The following ADAMTS18 variants were observed in gnomAD, a reference collection of about 807,000 sequenced individuals.
ADAMTS18 encodes A disintegrin and metalloproteinase with thrombospondin motifs 18.
A neutral mutation model predicts 165.9 loss-of-function variants in ADAMTS18; 157 were observed. The observed-to-expected ratio is 0.95, with a 90% confidence interval of 0.83 to 1.08. The LOEUF (loss-of-function observed/expected upper bound fraction) is 1.08, where lower values mean the gene tolerates loss of function less well. Among genes scored for constraint, ADAMTS18 ranks in the 50% least tolerant of loss-of-function variants. The pLI is 0.00. For missense variants in ADAMTS18, 2,040 were observed against 1,534.0 expected, an observed-to-expected ratio of 1.33 and a Z score of -5.51; for synonymous variants, 782 against 578.2, an observed-to-expected ratio of 1.35 and a Z score of -5.06.
intron 22 of ADAMTS18, among the ~76,000 whole-genome samples, chr16:77,287,663 G>T (rs2055279531): frequency 1.3e-5 from 2 of 152,046 alleles, no homozygotes; most frequent in African/African-American, 4.8e-5. Context: ...GTAGAGACGG[G>T]GTTTCACCAT....
intron 3 of ADAMTS18, among the ~76,000 whole-genome samples, chr16:77,430,388 G>A (rs1336301947): frequency 6.6e-6 from 1 of 152,122 alleles, no homozygotes; most frequent in Non-Finnish European, 1.5e-5. Flanking sequence ...AAGAACATGG[G>A]AGTCCGCATT....
At chr16:77,314,753 CAT>C (rs36191323) in intron 16 of ADAMTS18, among the ~76,000 whole-genome samples, 1,645 of 36,878 alleles carry the variant, frequency 0.045, 253 homozygotes, top group African/African-American at 0.14. Context: ...TCTCAGGTTT[CAT>C]ATATATATAT....
At chr16:77,400,458 GT>G in intron 3 of ADAMTS18, among the ~76,000 whole-genome samples, 1 of 46,474 alleles carries the variant, frequency 2.2e-5, no homozygotes. Flanking sequence ...GTGTGTGTCT[GT>G]GTGTGTGTGT....
At chr16:77,286,032 TG>T (rs1416672104) in intron 22 of ADAMTS18, among the ~76,000 whole-genome samples, 2 of 152,206 alleles carry the variant, frequency 1.3e-5, no homozygotes, top group Non-Finnish European at 2.9e-5. Context: ...GCGTTAAATC[TG>T]AAATCCTTAC....
intron 3 of ADAMTS18, among the ~76,000 whole-genome samples, chr16:77,401,772 G>T (rs764345888): frequency 1.3e-5 from 2 of 152,180 alleles, no homozygotes; most frequent in East Asian, 3.9e-4. Context: ...GGTCTAGACA[G>T]AACGAAAATG....
intron 3 of ADAMTS18, among the ~76,000 whole-genome samples, chr16:77,377,896 T>C (rs1160469009): frequency 6.6e-6 from 1 of 152,086 alleles, no homozygotes; most frequent in South Asian, 2.1e-4. Flanking sequence ...ATAATCAATA[T>C]GAAATAGAAA....
At chr16:77,381,684 C>T (rs1162168441) in intron 3 of ADAMTS18, among the ~76,000 whole-genome samples, 2 of 152,138 alleles carry the variant, frequency 1.3e-5, no homozygotes, top group African/African-American at 2.4e-5. Flanking sequence ...CGCCTGTAAT[C>T]CCAGCTACTC....
chr16:77,295,254 A>C, intron 18 of ADAMTS18, 127 bp from the exon 19 acceptor site: 1 of 951,408 alleles, frequency 1.1e-6, no homozygotes, highest in Non-Finnish European at 1.6e-6. Context: ...AAGATAAGTT[A>C]TTCTAATTGT....
rs1468950899 is a variant in ADAMTS18 at position 77,291,462 on chromosome 16, C to G, written c.3206G>C (p.Gly1069Ala). The change falls in exon 21 of 23, where the codon GGT becomes GCT. Residue 1069 changes from glycine (G) to alanine (A), a missense_variant. By Grantham distance (60) the Gly-to-Ala change is moderately conservative. Transcript: ENST00000282849. ...CATCTCCCTCTTCCTCACACCCAAACCACAGGTTGCAGAACACTAGGAGCC... is the reference window on the plus strand; with the variant it reads ...CATCTCCCTCTTCCTCACACCCAAAGCACAGGTTGCAGAACACTAGGAGCC... Reference protein sequence around the residue: ...SSWSECSATCGLGVRKREMKC... With the variant: ...SSWSECSATCALGVRKREMKC... 1 of 1,614,052 alleles carries G rather than the reference C, an allele frequency of 6.2e-7. No homozygotes were observed. The highest frequency in any genetic ancestry group is 8.5e-7 in the Non-Finnish European group (1 of 1,180,030).
intron 16 of ADAMTS18, among the ~76,000 whole-genome samples, chr16:77,305,508 G>A (rs944615671): frequency 2.0e-5 from 3 of 152,154 alleles, no homozygotes; most frequent in Non-Finnish European, 4.4e-5. Flanking sequence ...AAACCAAAGG[G>A]CGCTTCTAAG....
At chr16:77,339,281 A>C (rs2056361944) in intron 11 of ADAMTS18, among the ~76,000 whole-genome samples, 1 of 152,132 alleles carries the variant, frequency 6.6e-6, no homozygotes, top group South Asian at 2.1e-4. Context: ...GATGGAACTT[A>C]TTAAGATGCT....
chr16:77,335,230 T>C (rs1364975382), intron 12 of ADAMTS18, among the ~76,000 whole-genome samples: 1 of 141,948 alleles, frequency 7.0e-6, no homozygotes, highest in Non-Finnish European at 1.5e-5. Context: ...ATAAGCCAAA[T>C]GGAGAAAGAC....
chr16:77,412,826 A>C (rs566940786), intron 3 of ADAMTS18, among the ~76,000 whole-genome samples: 56 of 152,178 alleles, frequency 3.7e-4, no homozygotes, highest in Non-Finnish European at 6.5e-4. Context: ...AACACATAGA[A>C]ATTATGGGAG....
chr16:77,322,913 C>A (rs938209374), intron 13 of ADAMTS18, among the ~76,000 whole-genome samples: 3 of 152,060 alleles, frequency 2.0e-5, no homozygotes, highest in Non-Finnish European at 4.4e-5. Context: ...GCATGGATTA[C>A]TTTAGATATT....
chr16:77,306,438 A>G (rs181797025), intron 16 of ADAMTS18, among the ~76,000 whole-genome samples: 220 of 152,346 alleles, frequency 1.4e-3, no homozygotes, highest in Non-Finnish European at 2.1e-3. Flanking sequence ...AACAAAGGAT[A>G]TCTTCAATAA....
intron 21 of ADAMTS18, chr16:77,290,822 G>T (rs997187816): frequency 5.2e-6 from 1 of 190,882 alleles, no homozygotes; most frequent in Non-Finnish European, 1.1e-5. Flanking sequence ...CCCTGAATAG[G>T]AGTACTTAGC....
At chr16:77,371,983 C>T (rs1215068576) in intron 3 of ADAMTS18, among the ~76,000 whole-genome samples, 1 of 152,022 alleles carries the variant, frequency 6.6e-6, no homozygotes, top group Non-Finnish European at 1.5e-5. Context: ...AAATACTTCT[C>T]AAAAGACATA....
intron 3 of ADAMTS18, among the ~76,000 whole-genome samples, chr16:77,398,911 A>C (rs1396665095): frequency 1.3e-5 from 2 of 152,132 alleles, no homozygotes; most frequent in Admixed American, 1.3e-4. Flanking sequence ...GATGAGAAAA[A>C]CCGTCATAGG....
chr16:77,430,743 C>T (rs1367460927), intron 3 of ADAMTS18, among the ~76,000 whole-genome samples: 1 of 152,124 alleles, frequency 6.6e-6, no homozygotes, highest in Non-Finnish European at 1.5e-5. Flanking sequence ...GTTCTGCTTC[C>T]CTGAATGCCA....
Sources: allele counts gnomAD v4.1 joint callset (sites outside exome capture counted in the v4.1 genomes callset), GRCh38; gene constraint gnomAD v4.1.1; transcripts MANE v1.5; gene names NCBI Gene and HGNC (gene_info 2026-07-23, HGNC 2026-07-21).